Variants in TJP1 observed in about 807,000 individuals in gnomAD.
TJP1 encodes tight junction protein ZO-1.
A neutral mutation model predicts 194.2 loss-of-function variants in TJP1; 43 were observed. That is an observed-to-expected ratio of 0.22 (90% CI 0.17 to 0.29). The LOEUF is 0.29. TJP1 is among the 10% of genes least tolerant of loss of function. The pLI, the probability that TJP1 is intolerant of heterozygous loss-of-function variation, is 1.00. For missense variants in TJP1, 1,971 were observed against 2,185.7 expected, an observed-to-expected ratio of 0.90 and a Z score of 1.96; for synonymous variants, 801 against 779.0, an observed-to-expected ratio of 1.03 and a Z score of -0.47.
chr15:29,711,078 T>A, intron 23 of TJP1, 78 bp from the exon 24 acceptor site: 5 of 1,447,414 alleles, frequency 3.5e-6, no homozygotes, highest in South Asian at 1.6e-5. Flanking sequence ...TCTCCATGTA[T>A]CTCTAAGTTA....
intron 1 of TJP1, among the ~76,000 whole-genome samples, chr15:29,807,570 CTCTT>C (rs1595968426): frequency 6.6e-6 from 1 of 152,062 alleles, no homozygotes; most frequent in African/African-American, 2.4e-5. Context: ...TTGCATAACT[CTCTT>C]TCTTAGACCA....
Position 29,718,634 on chromosome 15 carries a change from T to C in TJP1, c.3508A>G (p.Arg1170Gly), listed in dbSNP as rs2042725921. Residue 1170 changes from arginine to glycine, a missense_variant, in exon 21 of 28, where the codon AGA (arginine) becomes GGA (glycine). Physicochemically the swap from Arg to Gly is moderately radical, Grantham distance 125. This residue lies in a region of TJP1 where 1,108 missense variants were observed against 1,128.5 expected (regional missense o/e 0.98). Coordinates refer to ENST00000614355, the MANE Select transcript of TJP1 (RefSeq NM_001330239.4). ...QPAPGYDTHG[R>G]LRPEAQPHPS... ...TGGGGCTGGGCTTCCGGTCTGAGTCTACCATGTGTGTCATACCCAGGAGCT... is the reference window on the plus strand; with the variant it reads ...TGGGGCTGGGCTTCCGGTCTGAGTCCACCATGTGTGTCATACCCAGGAGCT... 2 of 1,614,082 alleles carry C rather than the reference T, an allele frequency of 1.2e-6. No homozygotes were observed. The highest frequency in any genetic ancestry group is 2.7e-5 in the African/African-American group (2 of 74,922).
chr15:29,705,211 C>T (rs1339262979), intron 26 of TJP1, among the ~76,000 whole-genome samples: 4 of 152,200 alleles, frequency 2.6e-5, no homozygotes, highest in Non-Finnish European at 4.4e-5. Flanking sequence ...TCTCCAGAGA[C>T]GCAAAGGCTG....
At chr15:29,788,677 C>T (rs1024788196) in intron 2 of TJP1, among the ~76,000 whole-genome samples, 1 of 152,114 alleles carries the variant, frequency 6.6e-6, no homozygotes, top group Non-Finnish European at 1.5e-5. Context: ...AGTTTCCTTG[C>T]TTTCTATACT....
chr15:29,791,031 C>A (rs541663708), intron 2 of TJP1, among the ~76,000 whole-genome samples: 2 of 151,698 alleles, frequency 1.3e-5, no homozygotes, highest in African/African-American at 4.9e-5. Context: ...TTGATATACT[C>A]GTTTCCTTTT....
chr15:29,901,191 T>C (rs530407557), intron 2 of TJP1, among the ~76,000 whole-genome samples: 1 of 152,326 alleles, frequency 6.6e-6, no homozygotes, highest in African/African-American at 2.4e-5. Context: ...TCACTTATTG[T>C]TGAAGATAGA....
intron 2 of TJP1, among the ~76,000 whole-genome samples, chr15:29,923,294 C>A (rs529968041): frequency 6.6e-6 from 1 of 152,300 alleles, no homozygotes; most frequent in African/African-American, 2.4e-5. Flanking sequence ...CAGGTACATT[C>A]ACAAAAATGA....
intron 2 of TJP1, among the ~76,000 whole-genome samples, chr15:29,863,275 G>A (rs996112291): frequency 4.0e-5 from 6 of 150,572 alleles, no homozygotes; most frequent in Non-Finnish European, 5.9e-5. Flanking sequence ...CAGCCTGGGC[G>A]ACAAAGCGAG....
chr15:29,953,080 G>A (rs916717824), intron 2 of TJP1, among the ~76,000 whole-genome samples: 11 of 144,928 alleles, frequency 7.6e-5, no homozygotes, highest in Admixed American at 2.1e-4. Flanking sequence ...AACCCTTTTC[G>A]AATCCATGTT....
chr15:29,737,468 A>G (rs2044110947), intron 10 of TJP1, 54 bp from the exon 11 acceptor site: 5 of 1,592,758 alleles, frequency 3.1e-6, no homozygotes, highest in Non-Finnish European at 4.3e-6. Flanking sequence ...AAAACGTTAT[A>G]GCAATCACTA....
At chr15:29,866,856 C>G (rs908194608) in intron 2 of TJP1, among the ~76,000 whole-genome samples, 1 of 152,180 alleles carries the variant, frequency 6.6e-6, no homozygotes, top group Non-Finnish European at 1.5e-5. Context: ...TTTCCAGGGG[C>G]CGCCCTAACC....
At chr15:29,873,121 T>C in intron 2 of TJP1, among the ~76,000 whole-genome samples, 1 of 152,210 alleles carries the variant, frequency 6.6e-6, no homozygotes, top group East Asian at 1.9e-4. Flanking sequence ...CATGGATTCA[T>C]TCAGCAAGCA....
chr15:29,742,650 GA>G lies in TJP1; in HGVS notation c.1141del (p.Ser381LeufsTer42). On this transcript the variant is annotated frameshift_variant, in exon 9 of 28. Transcript: ENST00000614355. LOFTEE classifies it high-confidence loss of function. The part of the protein sequence containing the change: ...TVERNEKQTP[S>X]LPEPKPVYAQ... ...TGTTTCGTTATGCTTACCTGGAAGAGAAGGTGTTTGTTTCTCATTTCTTTCA... is the reference window on the plus strand; with the variant it reads ...TGTTTCGTTATGCTTACCTGGAAGAGAGGTGTTTGTTTCTCATTTCTTTCA... The G allele has an allele frequency of 6.3e-7, 1 of 1,579,542 alleles. No individual in the cohort carries two copies. The highest frequency in any genetic ancestry group is 8.6e-7 in the Non-Finnish European group (1 of 1,166,044).
At chr15:29,800,871 T>A (rs2048738141) in intron 1 of TJP1, among the ~76,000 whole-genome samples, 169 bp from the exon 2 acceptor site, 1 of 152,244 alleles carries the variant, frequency 6.6e-6, no homozygotes, top group Non-Finnish European at 1.5e-5. Context: ...TGTTTGCTTT[T>A]AAGAGACAGG....
intron 2 of TJP1, among the ~76,000 whole-genome samples, chr15:29,778,388 G>A (rs1266315714): frequency 1.3e-5 from 2 of 151,698 alleles, no homozygotes; most frequent in Non-Finnish European, 2.9e-5. Flanking sequence ...AACGAGAGCT[G>A]CAGCTTTCAA....
chr15:29,764,752 G>A (rs756888612), intron 5 of TJP1, among the ~76,000 whole-genome samples: 13 of 152,138 alleles, frequency 8.5e-5, no homozygotes, highest in Non-Finnish European at 1.6e-4. Context: ...AAAATTTTAA[G>A]AGGGAGATGA....
chr15:29,890,390 C>G (rs2053263806), intron 2 of TJP1, among the ~76,000 whole-genome samples: 1 of 152,190 alleles, frequency 6.6e-6, no homozygotes, highest in Admixed American at 6.5e-5. Context: ...CTGGAAAAGG[C>G]TGGAGCCCAG....
At chr15:29,786,635 G>T (rs1456473248) in intron 2 of TJP1, among the ~76,000 whole-genome samples, 5 of 152,064 alleles carry the variant, frequency 3.3e-5, no homozygotes, top group Non-Finnish European at 7.4e-5. Context: ...GAAGTAACTG[G>T]GACTACAGGT....
At chr15:29,904,142 C>G (rs1234769911) in intron 2 of TJP1, among the ~76,000 whole-genome samples, 2 of 152,150 alleles carry the variant, frequency 1.3e-5, no homozygotes, top group African/African-American at 2.4e-5. Context: ...AAAGTGGTAG[C>G]AAAAGGGTGG....
Sources: gnomAD v4.1 joint callset for allele counts (sites outside exome capture counted in the v4.1 genomes callset) on GRCh38, gnomAD v4.1.1 for gene constraint, gnomAD v4.1.1 regional missense constraint, MANE v1.5 for transcripts, NCBI Gene and HGNC (gene_info 2026-07-23, HGNC 2026-07-21) for gene names.